Variants in IER3IP1 observed in about 807,000 individuals in gnomAD.
IER3IP1 encodes immediate early response 3 interacting protein 1, also known as immediate early response 3-interacting protein 1.
IER3IP1 carries 16 observed loss-of-function variants against 12.2 expected under a neutral mutation model. That is an observed-to-expected ratio of 1.31 (90% CI 0.89 to 1.99). The LOEUF is 1.99. Ranked by LOEUF, IER3IP1 falls within the 30% of genes most tolerant of loss-of-function variation. The probability of loss-of-function intolerance (pLI) is 0.00; values close to 1 mark genes in which losing one functional copy is unlikely to be tolerated. For synonymous variants in IER3IP1, 42 were observed against 40.0 expected (o/e 1.05, Z -0.19); for missense variants, 95 against 95.8 (o/e 0.99, Z 0.03).
intron 1 of IER3IP1, among the ~76,000 whole-genome samples, chr18:47,165,462 A>G (rs1025443131): frequency 6.6e-6 from 1 of 151,872 alleles, no homozygotes; most frequent in African/African-American, 2.4e-5. Flanking sequence ...CTGAGGCATG[A>G]GAATCGCTTG....
intron 1 of IER3IP1, among the ~76,000 whole-genome samples, chr18:47,174,326 C>T (rs1260590728): frequency 1.3e-5 from 2 of 152,170 alleles, no homozygotes; most frequent in Non-Finnish European, 2.9e-5. Context: ...ATGTAAGGCA[C>T]TTGATACAGA....
intron 1 of IER3IP1, among the ~76,000 whole-genome samples, chr18:47,168,656 C>T (rs901566042): frequency 6.6e-6 from 1 of 152,098 alleles, no homozygotes; most frequent in Non-Finnish European, 1.5e-5. Flanking sequence ...GTCATTCTAC[C>T]ATTTCTAATT....
At chr18:47,173,937 ATC>A (rs888324524) in intron 1 of IER3IP1, among the ~76,000 whole-genome samples, 27 of 152,062 alleles carry the variant, frequency 1.8e-4, no homozygotes, top group Non-Finnish European at 1.6e-4. Context: ...GTGTCTCCAA[ATC>A]TCTCTTTTCT....
rs773640742 is a variant in IER3IP1, at chr18:47,175,130, G to A, written c.91+1057C>T. Among the ~76,000 whole-genome samples the A allele has an allele frequency of 9.2e-5, 14 of 152,304 alleles. No individual in the cohort carries two copies. The South Asian group carries it at 1.2e-3, about 14-fold the overall frequency. ...TCAATAAATATCTTCTGAAGTAAATGAAATGAATCAATCTTGCTCCTGGGT... is the reference window on the plus strand; with the variant it reads ...TCAATAAATATCTTCTGAAGTAAATAAAATGAATCAATCTTGCTCCTGGGT... On this transcript the variant is annotated intron_variant, in intron 1 of 2. Coordinates refer to ENST00000256433, the MANE Select transcript of IER3IP1 (RefSeq NM_016097.5).
rs2063950491 is a variant in IER3IP1, at chr18:47,154,188, G to A, written c.*1989C>T. 1 of 152,218 alleles carries A rather than the reference G, an allele frequency of 6.6e-6. No individual in the cohort carries two copies. The highest frequency in any genetic ancestry group is 1.5e-5 in the Non-Finnish European group (1 of 68,074). The allele number at this position is 152,218 out of a possible 1,614,324, so 9.4% of individuals were successfully genotyped here. A position where few individuals can be genotyped will look rare whatever the true frequency, so the allele number is the denominator to read the frequency against. Reference sequence around the variant, plus strand: ...AGGGGAGGACATGGGCAGGCCAACAGGCACTTAAGTTACTGTCTACTAAAA... The same window carrying A: ...AGGGGAGGACATGGGCAGGCCAACAAGCACTTAAGTTACTGTCTACTAAAA... On this transcript the variant is annotated 3_prime_UTR_variant, in exon 3 of 3. Coordinates refer to ENST00000256433, the MANE Select transcript of IER3IP1 (RefSeq NM_016097.5).
chr18:47,164,322 T>C (rs1243928349), intron 1 of IER3IP1, among the ~76,000 whole-genome samples: 1 of 151,442 alleles, frequency 6.6e-6, no homozygotes, highest in African/African-American at 2.4e-5. Context: ...AGAGAGTAAA[T>C]AATTAGTCTA....
intron 1 of IER3IP1, among the ~76,000 whole-genome samples, chr18:47,157,947 A>G (rs2063966873): frequency 6.6e-6 from 1 of 152,198 alleles, no homozygotes; most frequent in Non-Finnish European, 1.5e-5. Context: ...ATCCATCACA[A>G]TCATTAATAT....
rs753437838 is a variant in IER3IP1 at position 47,157,511 on chromosome 18, C to A, written c.118G>T (p.Gly40Cys). ...NIGWGTDQGI[G>C]GFGEEPGIKS... ...ATTCCCGGCTCTTCTCCAAATCCAC[C>A]AATTCCCTGGTCTGTTCCCCAGCCA... Residue 40 changes from glycine to cysteine, a missense_variant, in exon 2 of 3, where the codon GGT becomes TGT. By Grantham distance (159) the Gly-to-Cys change is radical. Coordinates refer to ENST00000256433, the MANE Select transcript of IER3IP1 (RefSeq NM_016097.5). The A allele has an allele frequency of 1.2e-6, 2 of 1,614,000 alleles. No individual in the cohort carries two copies. The highest frequency in any genetic ancestry group is 2.7e-5 in the African/African-American group (2 of 74,920).
rs964254068 is a variant in IER3IP1 at position 47,154,466 on chromosome 18, G to T, written c.*1711C>A. On this transcript the variant is annotated 3_prime_UTR_variant, in exon 3 of 3. Transcript: ENST00000256433. Reference sequence around the variant, plus strand: ...ATCCCAACACTGAATTAAGATGAAGGTATGCTGTAATGTCTTATATGAAAA... The same window carrying T: ...ATCCCAACACTGAATTAAGATGAAGTTATGCTGTAATGTCTTATATGAAAA... 1 of 152,178 alleles carries T rather than the reference G, an allele frequency of 6.6e-6. No homozygotes were observed. Among genetic ancestry groups the T allele is most frequent in the Non-Finnish European group, 1.5e-5 (1 of 68,038 alleles). 9.4% of individuals were successfully genotyped at this position (152,178 alleles called of 1,614,324 possible).
intron 1 of IER3IP1, among the ~76,000 whole-genome samples, chr18:47,175,017 G>C (rs563929102): frequency 6.6e-6 from 1 of 152,282 alleles, no homozygotes; most frequent in South Asian, 2.1e-4. Context: ...CATTTGTTTA[G>C]TTTTTATTTA....
chr18:47,164,133 GA>G (rs142631699), intron 1 of IER3IP1, among the ~76,000 whole-genome samples: 3 of 148,222 alleles, frequency 2.0e-5, no homozygotes, highest in Non-Finnish European at 4.5e-5. Context: ...GTGACTCCCA[GA>G]AAAAAAAAAT....
rs35347851 is a variant in IER3IP1, at chr18:47,168,301, CAAA to C, written c.91+7883_91+7885del. On this transcript the variant is annotated intron_variant, in intron 1 of 2. Coordinates refer to ENST00000256433, the MANE Select transcript of IER3IP1 (RefSeq NM_016097.5). ...TGGGCCACAGTGCAAGACTCCATCA[CAAA>C]AAAAAAAAAAAAAAGACAAAAAAAA... 8.5e-4 allele frequency among the ~76,000 whole-genome samples: 91 copies of C among 107,120 alleles called. 1 individual carries two copies. Among genetic ancestry groups the C allele is most frequent in the Middle Eastern group, 4.8e-3 (1 of 210 alleles). 70.3% of individuals were successfully genotyped at this position (107,120 alleles called of 152,430 possible). A position where few individuals can be genotyped will look rare whatever the true frequency, so the allele number is the denominator to read the frequency against.
chr18:47,159,772 C>CT (rs1019762972), intron 1 of IER3IP1, among the ~76,000 whole-genome samples: 15 of 149,028 alleles, frequency 1.0e-4, no homozygotes, highest in South Asian at 2.1e-4. Context: ...TGAATAGCTG[C>CT]TTTTTTTTTT....
intron 1 of IER3IP1, among the ~76,000 whole-genome samples, chr18:47,163,630 A>G (rs72907296): frequency 1.1e-4 from 16 of 152,340 alleles, no homozygotes; most frequent in Non-Finnish European, 1.9e-4. Flanking sequence ...CTTCCATAGC[A>G]TAAGTCAATA....
rs779689955 is a variant in IER3IP1 at position 47,176,335 on chromosome 18, G to C, written c.-58C>G. Reference sequence around the variant, plus strand: ...TTTCTCTCCCGCCGCCGCAAGGGACGTGGCGCCTCCACGGCCGGCGCCTTC... The same window carrying C: ...TTTCTCTCCCGCCGCCGCAAGGGACCTGGCGCCTCCACGGCCGGCGCCTTC... On this transcript the variant is annotated 5_prime_UTR_variant, in exon 1 of 3. Coordinates refer to ENST00000256433, the MANE Select transcript of IER3IP1 (RefSeq NM_016097.5). 1.4e-6 allele frequency: 2 copies of C among 1,470,484 alleles called. No individual in the cohort carries two copies. Among genetic ancestry groups the C allele is most frequent in the Non-Finnish European group, 1.9e-6 (2 of 1,073,342 alleles). 91.1% of individuals were successfully genotyped at this position (1,470,484 alleles called of 1,614,324 possible). A position where few individuals can be genotyped will look rare whatever the true frequency, so the allele number is the denominator to read the frequency against.
At position 47,161,120 on chromosome 18, in the gene IER3IP1, TGAA is replaced by T. The variant is rs542946419; in HGVS notation, c.92-3586_92-3584del. Among the ~76,000 whole-genome samples, 58 of 152,306 alleles carry T rather than the reference TGAA, an allele frequency of 3.8e-4. No homozygotes were observed. In the South Asian group the frequency reaches 0.012, roughly 32 times the overall value. On this transcript the variant is annotated intron_variant, in intron 1 of 2. Transcript: ENST00000256433. ...TTCCTGACACGCTAACCCTTAAACT[TGAA>T]GAGAACAGTTTTTTTAAATAGATAT... is the stretch of plus-strand genomic sequence containing the variant.
In IER3IP1 at chr18:47,155,018, A is replaced by G. The variant is rs2063953159; in HGVS notation, c.*1159T>C. ...TAATGCAGTTAACACTGACAGGTTTATACTAAGGTACAAAAACAAGTGCTT... is the reference window on the plus strand; with the variant it reads ...TAATGCAGTTAACACTGACAGGTTTGTACTAAGGTACAAAAACAAGTGCTT... On this transcript the variant is annotated 3_prime_UTR_variant, in exon 3 of 3. Transcript: ENST00000256433. 1 of 152,252 alleles carries G rather than the reference A, an allele frequency of 6.6e-6. No homozygotes were observed. Among genetic ancestry groups the G allele is most frequent in the Admixed American group, 6.5e-5 (1 of 15,286 alleles). The allele number at this position is 152,252 out of a possible 1,614,324, so 9.4% of individuals were successfully genotyped here.
At chr18:47,157,085 C>T (rs2063963052) in intron 2 of IER3IP1, 2 of 233,342 alleles carry the variant, frequency 8.6e-6, no homozygotes, top group Non-Finnish European at 1.7e-5. Context: ...AACCAACACG[C>T]CCAGCTTTCT....
rs936161868 is a variant in IER3IP1 at position 47,154,938 on chromosome 18, C to T, written c.*1239G>A. The T allele has an allele frequency of 5.3e-5, 8 of 152,084 alleles. No individual in the cohort carries two copies. Among genetic ancestry groups the T allele is most frequent in the African/African-American group, 1.7e-4 (7 of 41,406 alleles). 9.4% of individuals were successfully genotyped at this position (152,084 alleles called of 1,614,324 possible). On this transcript the variant is annotated 3_prime_UTR_variant, in exon 3 of 3. Coordinates refer to ENST00000256433, the MANE Select transcript of IER3IP1 (RefSeq NM_016097.5). ...TATTTACTTTCATTAACTCTATACT[C>T]GGCAATTTTACAGCAAAGAACATAT...
Sources: allele counts gnomAD v4.1 joint callset (sites outside exome capture counted in the v4.1 genomes callset), GRCh38; gene constraint gnomAD v4.1.1; transcripts MANE v1.5; gene names NCBI Gene and HGNC (gene_info 2026-07-23, HGNC 2026-07-21).